Variants in PLD5 observed in about 807,000 individuals in gnomAD.
PLD5 encodes phospholipase D family member 5, also known as inactive phospholipase D5.
In PLD5, 36 loss-of-function variants were observed where a neutral mutation model predicts 61.1. That is an observed-to-expected ratio of 0.59 (90% confidence interval 0.45 to 0.78). PLD5 has a LOEUF of 0.78. PLD5 is among the 30% of genes least tolerant of loss of function. PLD5 has a pLI of 0.00. For missense variants in PLD5, 515 were observed against 644.4 expected, an observed-to-expected ratio of 0.80 and a Z score of 2.17; for synonymous variants, 243 against 242.8, an observed-to-expected ratio of 1.00 and a Z score of -0.01.
chr1:242,314,759 ACTCT>A (rs61640647), intron 2 of PLD5, among the ~76,000 whole-genome samples: 1 of 150,530 alleles, frequency 6.6e-6, no homozygotes. Flanking sequence ...GGATCTCCTG[ACTCT>A]CTCCCACAGA....
At chr1:242,396,048 C>CAA (rs137996046) in intron 1 of PLD5, among the ~76,000 whole-genome samples, 2 of 146,928 alleles carry the variant, frequency 1.4e-5, no homozygotes, top group Non-Finnish European at 3.0e-5. Flanking sequence ...GACTCCATCT[C>CAA]AAAAAAAAAA....
chr1:242,196,926 T>TC (rs1668670597), intron 5 of PLD5, among the ~76,000 whole-genome samples: 2 of 152,150 alleles, frequency 1.3e-5, no homozygotes, highest in South Asian at 4.1e-4. Context: ...GTATACCCCT[T>TC]CAAGTATTAT....
In PLD5 at chr1:242,209,247, A is replaced by G. The variant is rs544331880; in HGVS notation, c.735+10741T>C. The G allele has an allele frequency of 2.6e-5, 4 of 152,026 alleles. No homozygotes were observed. In the East Asian group the frequency reaches 7.8e-4, roughly 29 times the overall value. 9.4% of individuals were successfully genotyped at this position (152,026 alleles called of 1,614,324 possible). A position where few individuals can be genotyped will look rare whatever the true frequency, so the allele number is the denominator to read the frequency against. On this transcript the variant is annotated intron_variant, in intron 5 of 9. Coordinates refer to ENST00000536534, the MANE Select transcript of PLD5 (RefSeq NM_001372062.1). ...TCCTGAATTTCACAGACAAATCCAG[A>G]CCCCTGTGTGGAAAGCCTGCGGTGG...
chr1:242,112,862 C>A (rs4658620), intron 7 of PLD5, among the ~76,000 whole-genome samples: 131,387 of 152,274 alleles, frequency 0.86, 56,988 homozygotes, highest in African/African-American at 0.95. Flanking sequence ...ATTCCCAGCA[C>A]GAAAGCAAAA....
At chr1:242,475,645 T>C (rs1667574518) in intron 1 of PLD5, among the ~76,000 whole-genome samples, 1 of 152,132 alleles carries the variant, frequency 6.6e-6, no homozygotes, top group Admixed American at 6.5e-5. Flanking sequence ...GGCTCAACTG[T>C]GCTCCCCCAG....
chr1:242,494,117 TCTCCTCCCCTCTCCTCCCCTCTCCTC>T (rs1668281663), intron 1 of PLD5, among the ~76,000 whole-genome samples: 2 of 75,432 alleles, frequency 2.7e-5, no homozygotes, highest in African/African-American at 1.1e-4. Context: ...TCTCCTCCCC[TCTCCTCCCCTCTCCTCCCCTCTCCTC>T]TCTCGATTCT....
At chr1:242,261,778 T>C (rs1440959277) in intron 4 of PLD5, among the ~76,000 whole-genome samples, 1 of 152,106 alleles carries the variant, frequency 6.6e-6, no homozygotes, top group African/African-American at 2.4e-5. Context: ...ATATTAAAGA[T>C]ACAACATGAT....
intron 1 of PLD5, among the ~76,000 whole-genome samples, chr1:242,426,985 C>T (rs1007713220): frequency 2.0e-5 from 3 of 152,084 alleles, no homozygotes; most frequent in Admixed American, 2.0e-4. Flanking sequence ...GTAGTAAGCA[C>T]CTTGGAAGCA....
intron 2 of PLD5, among the ~76,000 whole-genome samples, chr1:242,296,724 A>G (rs186889771): frequency 8.6e-5 from 13 of 151,838 alleles, no homozygotes; most frequent in Non-Finnish European, 1.5e-4. Context: ...TTTTTTTTTT[A>G]GAGATGGGGT....
chr1:242,303,989 T>C (rs1676206119), intron 2 of PLD5, among the ~76,000 whole-genome samples: 1 of 152,226 alleles, frequency 6.6e-6, no homozygotes, highest in Non-Finnish European at 1.5e-5. Context: ...AATTGACATG[T>C]ACCCCACCGA....
chr1:242,391,231 T>G (rs1467208435), intron 1 of PLD5, among the ~76,000 whole-genome samples: 1 of 152,172 alleles, frequency 6.6e-6, no homozygotes, highest in Non-Finnish European at 1.5e-5. Flanking sequence ...GTTGTAGTAT[T>G]TCTGTCTGTA....
chr1:242,414,769 T>C (rs1664734133), intron 1 of PLD5, among the ~76,000 whole-genome samples: 1 of 152,126 alleles, frequency 6.6e-6, no homozygotes, highest in Non-Finnish European at 1.5e-5. Context: ...AAAACATAGA[T>C]GAATTTAATT....
At chr1:242,283,632 G>T (rs1474557276) in intron 3 of PLD5, among the ~76,000 whole-genome samples, 1 of 152,122 alleles carries the variant, frequency 6.6e-6, no homozygotes, top group Admixed American at 6.5e-5. Flanking sequence ...ATAGTGTTTG[G>T]CACCAGAATA....
intron 9 of PLD5, among the ~76,000 whole-genome samples, chr1:242,092,817 G>A (rs755839886): frequency 1.2e-4 from 18 of 152,024 alleles, no homozygotes; most frequent in South Asian, 2.1e-4. Context: ...TGGAGCCCTC[G>A]AACATACCGA....
At chr1:242,363,739 C>A (rs1172385029) in intron 1 of PLD5, among the ~76,000 whole-genome samples, 1 of 151,942 alleles carries the variant, frequency 6.6e-6, no homozygotes, top group African/African-American at 2.4e-5. Context: ...TATACTGTAA[C>A]TATATTCTAT....
chr1:242,256,609 C>A lies in PLD5; in HGVS notation c.607+8728G>T, dbSNP rs996483273. ...AAGGCGCCATCTTGGAAGCACAGAG[C>A]AGCTCTCAGCAGACACTGAACCTGC... On this transcript the variant is annotated intron_variant, in intron 4 of 9. Transcript: ENST00000536534. This position sits in a 1 kb window ranked among gnomAD's most constrained non-coding sequence, Gnocchi z 5.7. 2.0e-5 allele frequency among the ~76,000 whole-genome samples: 3 copies of A among 152,188 alleles called. No homozygotes were observed. The highest frequency in any genetic ancestry group is 7.2e-5 in the African/African-American group (3 of 41,440).
intron 1 of PLD5, among the ~76,000 whole-genome samples, chr1:242,432,030 G>A (rs1334257964): frequency 1.3e-5 from 2 of 152,162 alleles, no homozygotes; most frequent in East Asian, 3.9e-4. Context: ...CCAGCCACAG[G>A]AAAGGGGGCA....
At chr1:242,525,118 C>T (rs1011136632), upstream of PLD5, among the ~76,000 whole-genome samples, 3 of 152,078 alleles carry the variant, frequency 2.0e-5, no homozygotes, top group African/African-American at 7.2e-5. Flanking sequence ...ACTTCCCACC[C>T]CAAGGGACTT....
intron 5 of PLD5, among the ~76,000 whole-genome samples, chr1:242,193,564 G>A (rs1426109825): frequency 6.6e-6 from 1 of 152,212 alleles, no homozygotes; most frequent in Non-Finnish European, 1.5e-5. Flanking sequence ...ACAAAAGGAG[G>A]CATTTGTCTT....
Sources: gnomAD v4.1 joint callset for allele counts (sites outside exome capture counted in the v4.1 genomes callset) on GRCh38, gnomAD v4.1.1 for gene constraint, Gnocchi (gnomAD v3.1) non-coding constraint, MANE v1.5 for transcripts, NCBI Gene and HGNC (gene_info 2026-07-23, HGNC 2026-07-21) for gene names.